ZBTB40: variants seen among roughly 807,000 people sequenced by gnomAD.
The protein encoded by ZBTB40 is zinc finger and BTB domain containing 40.
In ZBTB40, 60 loss-of-function variants were observed where a neutral mutation model predicts 117.5. The ratio of observed to expected loss-of-function variants is 0.51; its 90% CI spans 0.41 to 0.63. ZBTB40 has a LOEUF of 0.63. Ranked by LOEUF, ZBTB40 falls within the 30% of genes least tolerant of loss-of-function variation. The pLI is 0.00. For missense variants in ZBTB40, 1,287 were observed against 1,498.5 expected, an observed-to-expected ratio of 0.86 and a Z score of 2.33; for synonymous variants, 525 against 577.1, an observed-to-expected ratio of 0.91 and a Z score of 1.29.
chr1:22,450,023 A>G (rs1640838653), upstream of ZBTB40, among the ~76,000 whole-genome samples: 1 of 151,396 alleles, frequency 6.6e-6, no homozygotes, highest in Non-Finnish European at 1.5e-5. Flanking sequence ...AGCTCACTCC[A>G]ACCTCCGCCT....
chr1:22,491,322 T>C (rs1638625292), intron 2 of ZBTB40, 78 bp from the exon 3 acceptor site: 4 of 1,488,610 alleles, frequency 2.7e-6, no homozygotes, highest in Admixed American at 1.7e-5. Context: ...GACCTGAAGG[T>C]GCTCAGACAG....
rs183423864 is a variant in ZBTB40, at chr1:22,478,483, G to A, written c.-69-11397G>A. Among the ~76,000 whole-genome samples the A allele has an allele frequency of 4.4e-3, 666 of 152,200 alleles. 9 individuals are homozygous for A. The highest frequency in any genetic ancestry group is 0.015 in the African/African-American group (605 of 41,516). The stretch of plus-strand genomic sequence containing the variant: ...AGGATGGTCTTGATCTCCTGACCTC[G>A]TGATCTGCCCACCTCGGCCTCCCAA... On this transcript the variant is annotated intron_variant, in intron 1 of 17. Coordinates refer to ENST00000375647, the MANE Select transcript of ZBTB40 (RefSeq NM_014870.4).
At position 22,490,604 on chromosome 1, in the gene ZBTB40, T is replaced by C; in HGVS notation, c.656T>C (p.Val219Ala). The C allele has an allele frequency of 6.2e-7, 1 of 1,613,978 alleles. No individual in the cohort carries two copies. The highest frequency in any genetic ancestry group is 8.5e-7 in the Non-Finnish European group (1 of 1,180,030). Reference sequence around the variant, plus strand: ...GAAGCTTGTTCCCCCTCCCCTGCTGTGCAAACCTTTAGTGAGGCAAAGAAG... The same window carrying C: ...GAAGCTTGTTCCCCCTCCCCTGCTGCGCAAACCTTTAGTGAGGCAAAGAAG... ...TAEACSPSPA[V>A]QTFSEAKKTS... The change falls in exon 2 of 18, where the codon GTG becomes GCG. Residue 219 changes from valine (V) to alanine (A), a missense_variant. Physicochemically the swap from Val to Ala is moderately conservative, Grantham distance 64. Around this residue, in one of 2 missense-constraint regions of ZBTB40, gnomAD observed 870 missense variants for 934.4 expected, o/e 0.93. Coordinates refer to ENST00000375647, the MANE Select transcript of ZBTB40 (RefSeq NM_014870.4).
intron 3 of ZBTB40, among the ~76,000 whole-genome samples, chr1:22,496,384 G>T (rs1039437413): frequency 6.6e-6 from 1 of 152,070 alleles, no homozygotes; most frequent in African/African-American, 2.4e-5. Flanking sequence ...ACACTACGTT[G>T]CCTGGGAGGC....
In ZBTB40 at chr1:22,513,070, C is replaced by A; in HGVS notation, c.2608C>A (p.Leu870Ile). 2 of 1,614,212 alleles carry A rather than the reference C, an allele frequency of 1.2e-6. No homozygotes were observed. The highest frequency in any genetic ancestry group is 1.7e-5 in the Admixed American group (1 of 60,032). The change falls in exon 12 of 18, where the codon CTC becomes ATC. Residue 870 changes from leucine (L) to isoleucine (I), a missense_variant. By Grantham distance (5) the Leu-to-Ile change is conservative. Coordinates refer to ENST00000375647, the MANE Select transcript of ZBTB40 (RefSeq NM_014870.4). This position sits in a 1 kb window ranked among gnomAD's most constrained non-coding sequence, Gnocchi z 4.9. ...GDRPFMCKHC[L>I]MTFTQASALA... ...CCGCCCGTTCATGTGCAAGCACTGC[C>A]TCATGACCTTCACCCAGGCCTCCGC... is the stretch of plus-strand genomic sequence containing the variant.
In ZBTB40 at chr1:22,529,496, A is replaced by G. The variant is rs966032345; in HGVS notation, c.*3100A>G. On this transcript the variant is annotated 3_prime_UTR_variant, in exon 18 of 18. Coordinates refer to ENST00000375647, the MANE Select transcript of ZBTB40 (RefSeq NM_014870.4). Reference sequence around the variant, plus strand: ...GTCAGTTATGGAACAGGACTTGCCCATCATAGGTAAGTGAGACAGCAAATA... The same window carrying G: ...GTCAGTTATGGAACAGGACTTGCCCGTCATAGGTAAGTGAGACAGCAAATA... 6.6e-6 allele frequency: 1 copy of G among 152,364 alleles called. No individual in the cohort carries two copies. The highest frequency in any genetic ancestry group is 1.5e-5 in the Non-Finnish European group (1 of 68,064). The allele number at this position is 152,364 out of a possible 1,614,324, so 9.4% of individuals were successfully genotyped here. A position where few individuals can be genotyped will look rare whatever the true frequency, so the allele number is the denominator to read the frequency against.
chr1:22,448,581 A>G (rs1299631449), upstream of ZBTB40, among the ~76,000 whole-genome samples: 1 of 152,156 alleles, frequency 6.6e-6, no homozygotes, highest in Non-Finnish European at 1.5e-5. Flanking sequence ...TTAAACCCTA[A>G]CTCTACTATT....
chr1:22,490,421 A>G lies in ZBTB40; in HGVS notation c.473A>G (p.His158Arg). 4 of 1,610,042 alleles carry G rather than the reference A, an allele frequency of 2.5e-6. No individual in the cohort carries two copies. The highest frequency in any genetic ancestry group is 4.5e-5 in the East Asian group (2 of 44,798). Residue 158 changes from histidine to arginine, a missense_variant, in exon 2 of 18, where the codon CAT becomes CGT. Physicochemically the swap from His to Arg is conservative, Grantham distance 29 (BLOSUM62 0). This residue lies in a region of ZBTB40 where 870 missense variants were observed against 934.4 expected (regional missense o/e 0.93). Transcript: ENST00000375647. Reference sequence around the variant, plus strand: ...TCATCTGAAGGTGCTGGAGAGCCTCATTCTTCCCCAGAGCTTGCTGCCACT... The same window carrying G: ...TCATCTGAAGGTGCTGGAGAGCCTCGTTCTTCCCCAGAGCTTGCTGCCACT... ...ILSSEGAGEP[H>R]SSPELAATPG... is the part of the protein sequence containing the mutation.
chr1:22,477,670 AAAAG>A (rs1641584634), intron 1 of ZBTB40, among the ~76,000 whole-genome samples: 1 of 151,806 alleles, frequency 6.6e-6, no homozygotes. Context: ...AAAAGAAAAG[AAAAG>A]AAAGAAAGCT....
Position 22,508,630 on chromosome 1 carries a change from G to C in ZBTB40, c.1598G>C (p.Trp533Ser). 1 of 1,614,192 alleles carries C rather than the reference G, an allele frequency of 6.2e-7. No individual in the cohort carries two copies. ...CAGACTCTCTCTGCCACAGCCATTT[G>C]GCAACTGCTGCTGGTGGTTCAGGAG... ...EKQTLSATAI[W>S]QLLLVVQETK... The change falls in exon 8 of 18, where the codon TGG (tryptophan) becomes TCG (serine). Residue 533 changes from tryptophan (W) to serine (S), a missense_variant. Coordinates refer to ENST00000375647, the MANE Select transcript of ZBTB40 (RefSeq NM_014870.4).
At chr1:22,435,224 CT>C (rs1640654934) in intron 1 of ZBTB40, among the ~76,000 whole-genome samples, 5 of 152,112 alleles carry the variant, frequency 3.3e-5, no homozygotes, top group Admixed American at 3.3e-4. Context: ...TGGTTTTGAA[CT>C]CCTGAGCTCA....
At chr1:22,509,348 T>G (rs1000120516) in intron 9 of ZBTB40, 115 bp downstream of exon 9, 1 of 1,474,778 alleles carries the variant, frequency 6.8e-7, no homozygotes, top group East Asian at 2.3e-5. Flanking sequence ...CTTCTTTTTT[T>G]TTCCTTTTTC....
intron 16 of ZBTB40, among the ~76,000 whole-genome samples, chr1:22,523,547 A>G (rs183535068): frequency 1.3e-5 from 2 of 152,344 alleles, no homozygotes; most frequent in East Asian, 1.9e-4. Context: ...AACGCATAAT[A>G]TAAGATTCCA....
At chr1:22,504,750 G>T (rs1414502933) in intron 5 of ZBTB40, among the ~76,000 whole-genome samples, 1 of 152,200 alleles carries the variant, frequency 6.6e-6, no homozygotes, top group Non-Finnish European at 1.5e-5. Context: ...AAGGCTTGAA[G>T]AATTAAATAA....
At position 22,455,780 on chromosome 1, in the gene ZBTB40, G is replaced by A. The variant is rs538531654; in HGVS notation, c.-70+3776G>A. The stretch of plus-strand genomic sequence containing the variant: ...GCAGACAGGCAGCCCCGGAAAACGA[G>A]CCACACTTTGGCAACACTCACCTGC... On this transcript the variant is annotated intron_variant, in intron 1 of 17. Coordinates refer to ENST00000375647, the MANE Select transcript of ZBTB40 (RefSeq NM_014870.4). 2.0e-5 allele frequency among the ~76,000 whole-genome samples: 3 copies of A among 151,902 alleles called. No homozygotes were observed. The South Asian group carries it at 6.2e-4, about 32-fold the overall frequency.
At chr1:22,480,495 TGTC>T (rs1326198183) in intron 1 of ZBTB40, among the ~76,000 whole-genome samples, 2 of 152,142 alleles carry the variant, frequency 1.3e-5, no homozygotes, top group African/African-American at 4.8e-5. Flanking sequence ...TTCTTTTCTG[TGTC>T]GTTGTTGTTG....
In ZBTB40 at chr1:22,508,731, G is replaced by A; in HGVS notation, c.1699G>A (p.Val567Met). The change falls in exon 8 of 18, where the codon GTG (valine) becomes ATG (methionine). Residue 567 changes from valine to methionine, a missense_variant and splice_region_variant. Physicochemically the swap from Val to Met is conservative, Grantham distance 21. Coordinates refer to ENST00000375647, the MANE Select transcript of ZBTB40 (RefSeq NM_014870.4). ...EPGADAFFRA[V>M]TTPEHATLET... ...TGGTGCCGATGCTTTCTTCCGGGCA[G>A]GTAAGTTACCTGCCCTCTGGGGGGG... 1 of 1,613,322 alleles carries A rather than the reference G, an allele frequency of 6.2e-7. No individual in the cohort carries two copies.
intron 3 of ZBTB40, among the ~76,000 whole-genome samples, chr1:22,494,295 C>T (rs756658671): frequency 1.3e-5 from 2 of 152,196 alleles, no homozygotes; most frequent in African/African-American, 2.4e-5. Flanking sequence ...AAGTAGCTTC[C>T]TAAACTGCAA....
chr1:22,505,359 A>G (rs1042138059), intron 5 of ZBTB40, among the ~76,000 whole-genome samples: 1 of 152,198 alleles, frequency 6.6e-6, no homozygotes, highest in Non-Finnish European at 1.5e-5. Context: ...CTTTTGCTAG[A>G]GTTCTGTGCC....
Sources: allele counts gnomAD v4.1 joint callset (sites outside exome capture counted in the v4.1 genomes callset), GRCh38; gene constraint gnomAD v4.1.1; regional missense constraint gnomAD v4.1.1; non-coding constraint Gnocchi (gnomAD v3.1); transcripts MANE v1.5; gene names NCBI Gene and HGNC (gene_info 2026-07-23, HGNC 2026-07-21).